The following RBBP8 variants were observed in gnomAD, a reference collection of about 807,000 sequenced individuals.
RBBP8 encodes the protein DNA endonuclease RBBP8.
A neutral mutation model predicts 108.3 loss-of-function variants in RBBP8; 88 were observed. The observed-to-expected ratio is 0.81, with a 90% CI of 0.68 to 0.97. The LOEUF is 0.97. RBBP8 is among the 50% of genes least tolerant of loss of function. The probability of loss-of-function intolerance (pLI) is 0.00; values close to 1 mark genes in which losing one functional copy is unlikely to be tolerated. For synonymous variants in RBBP8, 332 were observed against 348.2 expected (o/e 0.95, Z 0.52); for missense variants, 1,023 against 1,049.0 (o/e 0.98, Z 0.34).
intron 3 of RBBP8, among the ~76,000 whole-genome samples, chr18:22,928,215 A>G (rs929062125): frequency 4.0e-5 from 6 of 151,752 alleles, no homozygotes; most frequent in African/African-American, 1.2e-4. Context: ...AAAAAAAAAA[A>G]GTAGGAAAAC....
chr18:23,008,197 T>C (rs1192379801), intron 16 of RBBP8, among the ~76,000 whole-genome samples: 1 of 152,192 alleles, frequency 6.6e-6, no homozygotes, highest in African/African-American at 2.4e-5. Flanking sequence ...CTACTATTTG[T>C]TCTTAAAGCA....
Position 22,982,342 on chromosome 18 carries a change from C to G in RBBP8, c.553C>G (p.Arg185Gly), listed in dbSNP as rs771541058. Reference sequence around the variant, plus strand: ...ACGAAGAAAGGAGAACCCCCATGTCCGATACATAGAACAAACACATACTAA... The same window carrying G: ...ACGAAGAAAGGAGAACCCCCATGTCGGATACATAGAACAAACACATACTAA... ...RLRRKENPHV[R>G]YIEQTHTKLE... Residue 185 changes from arginine to glycine, a missense_variant, in exon 7 of 19, where the codon CGA (arginine) becomes GGA (glycine). Arg to Gly is a moderately radical substitution (Grantham distance 125). Coordinates refer to ENST00000327155, the MANE Select transcript of RBBP8 (RefSeq NM_002894.3). 17 of 1,614,066 alleles carry G rather than the reference C, an allele frequency of 1.1e-5. No individual in the cohort carries two copies. In the South Asian group the frequency reaches 1.8e-4, roughly 17 times the overall value.
At chr18:23,001,234 A>G (rs765136339) in intron 14 of RBBP8, among the ~76,000 whole-genome samples, 6 of 152,210 alleles carry the variant, frequency 3.9e-5, no homozygotes, top group Admixed American at 6.5e-5. Flanking sequence ...GCCTTTCACT[A>G]CCTATATTAC....
rs190493392 is a variant in RBBP8 at position 23,024,524 on chromosome 18, A to G, written c.2597-1619A>G. 8 of 152,204 alleles carry G rather than the reference A, an allele frequency of 5.3e-5. No homozygotes were observed. The East Asian group carries it at 1.4e-3, about 26-fold the overall frequency. The allele number at this position is 152,204 out of a possible 1,614,324, so 9.4% of individuals were successfully genotyped here. A position where few individuals can be genotyped will look rare whatever the true frequency, so the allele number is the denominator to read the frequency against. Reference sequence around the variant, plus strand: ...TCTGACCTCTTTATTATTTTTTGCTATTTTCTCCATGGTCCAAAGACCATC... The same window carrying G: ...TCTGACCTCTTTATTATTTTTTGCTGTTTTCTCCATGGTCCAAAGACCATC... On this transcript the variant is annotated intron_variant, in intron 18 of 18. Coordinates refer to ENST00000327155, the MANE Select transcript of RBBP8 (RefSeq NM_002894.3).
intron 16 of RBBP8, among the ~76,000 whole-genome samples, chr18:23,008,506 T>C (rs1356914593): frequency 6.6e-6 from 1 of 152,162 alleles, no homozygotes; most frequent in East Asian, 1.9e-4. Context: ...AATTTAAGTA[T>C]ATTTGATGTG....
At chr18:22,952,310 A>C (rs12961229) in intron 4 of RBBP8, among the ~76,000 whole-genome samples, 1 of 152,182 alleles carries the variant, frequency 6.6e-6, no homozygotes, top group Admixed American at 6.5e-5. Flanking sequence ...TCTCTTAAGG[A>C]CATCTTTGAA....
chr18:22,919,595 C>A (rs1909505022), intron 3 of RBBP8, among the ~76,000 whole-genome samples: 2 of 152,132 alleles, frequency 1.3e-5, no homozygotes, highest in South Asian at 4.1e-4. Context: ...CTCGCTCTGT[C>A]ACTCAGGCTG....
intron 2 of RBBP8, among the ~76,000 whole-genome samples, chr18:22,939,084 C>T (rs935019811): frequency 2.6e-5 from 4 of 152,178 alleles, no homozygotes; most frequent in Non-Finnish European, 5.9e-5. Flanking sequence ...CTTCATATTA[C>T]ATTTGTTTCT....
intron 4 of RBBP8, among the ~76,000 whole-genome samples, chr18:22,957,295 T>TC (rs1388093625): frequency 3.4e-5 from 5 of 146,182 alleles, no homozygotes; most frequent in Non-Finnish European, 6.0e-5. Flanking sequence ...CTTTTTCTTT[T>TC]TTTTTTTTTT....
rs140204230 is a variant in RBBP8 at position 22,956,791 on chromosome 18, A to G, written c.248+7078A>G. Among the ~76,000 whole-genome samples, 572 of 152,298 alleles carry G rather than the reference A, an allele frequency of 3.8e-3. 2 individuals are homozygous for G. The highest frequency in any genetic ancestry group is 0.013 in the African/African-American group (558 of 41,582). On this transcript the variant is annotated intron_variant, in intron 4 of 18. Coordinates refer to ENST00000327155, the MANE Select transcript of RBBP8 (RefSeq NM_002894.3). ...ATAAAAAGTTCTAAGTTCTAATTTT[A>G]TGTGGCTCATTTATGTTTAATGATT...
At position 22,926,685 on chromosome 18, in the gene RBBP8, G is replaced by A. The variant is rs1028667019; in HGVS notation, c.-153-2698G>A. Among the ~76,000 whole-genome samples, 3 of 152,188 alleles carry A rather than the reference G, an allele frequency of 2.0e-5. No individual in the cohort carries two copies. In the East Asian group the frequency reaches 5.8e-4, roughly 29 times the overall value. ...ATTTCAACAGATTAAAAAGGGAAAC[G>A]AAGAAGGTATGAAGTCCAATGTAGC... On this transcript the variant is annotated intron_variant, in intron 3 of 4. Coordinates refer to the RBBP8 transcript ENST00000577588.
intron 15 of RBBP8, among the ~76,000 whole-genome samples, chr18:23,002,673 C>T (rs772567192): frequency 2.6e-5 from 4 of 151,774 alleles, no homozygotes; most frequent in Non-Finnish European, 2.9e-5. Context: ...TAAATTGGTC[C>T]GAATTTTTAA....
rs1568009785 is a variant in RBBP8 at position 23,022,603 on chromosome 18, A to AAAATAAAATAAAATAAAATAAAATAAAAT, written c.2596+337_2596+365dup. ...GGCGACAGAACAAGACTCTGTCTCAAAAATAAAATAAAATAAAATAAAATA... is the reference window on the plus strand; with the variant it reads ...GGCGACAGAACAAGACTCTGTCTCAAAAATAAAATAAAATAAAATAAAATAAAATAAATAAAATAAAATAAAATAAAATA... On this transcript the variant is annotated intron_variant, in intron 18 of 18. Coordinates refer to ENST00000327155, the MANE Select transcript of RBBP8 (RefSeq NM_002894.3). 3.3e-3 allele frequency among the ~76,000 whole-genome samples: 129 copies of AAAATAAAATAAAATAAAATAAAATAAAAT among 39,132 alleles called. 6 individuals carry two copies. The highest frequency in any genetic ancestry group is 0.016 in the African/African-American group (127 of 8,036). The allele number at this position is 39,132 out of a possible 152,430, so 25.7% of individuals were successfully genotyped here.
At chr18:22,931,316 G>A (rs1910019230), upstream of RBBP8, among the ~76,000 whole-genome samples, 1 of 152,148 alleles carries the variant, frequency 6.6e-6, no homozygotes, top group South Asian at 2.1e-4. Flanking sequence ...CCAGAGGACA[G>A]AAAATGTCTG....
chr18:22,915,019 A>G (rs1212503413), intron 1 of RBBP8, among the ~76,000 whole-genome samples: 1 of 152,142 alleles, frequency 6.6e-6, no homozygotes, highest in Non-Finnish European at 1.5e-5. Context: ...AGTAGTTTGT[A>G]TCATGTAAAA....
At chr18:22,967,645 A>AT (rs1410826642) in intron 4 of RBBP8, among the ~76,000 whole-genome samples, 6,750 of 131,488 alleles carry the variant, frequency 0.051, 323 homozygotes, top group African/African-American at 0.11. Context: ...GCTATTTCGT[A>AT]TTTTTTTTTT....
chr18:23,013,986 G>A (rs2046214206), intron 16 of RBBP8, among the ~76,000 whole-genome samples: 1 of 151,956 alleles, frequency 6.6e-6, no homozygotes, highest in Non-Finnish European at 1.5e-5. Flanking sequence ...AGATGTACAA[G>A]GAGATGAATT....
At chr18:22,954,438 A>G (rs4800441) in intron 4 of RBBP8, among the ~76,000 whole-genome samples, 74,768 of 152,086 alleles carry the variant, frequency 0.49, 21,754 homozygotes, top group Middle Eastern at 0.67. Context: ...TAAAACTCCA[A>G]AATGATCCCC....
chr18:22,986,880 A>G (rs1403404503), intron 8 of RBBP8, among the ~76,000 whole-genome samples: 2 of 152,196 alleles, frequency 1.3e-5, no homozygotes, highest in Non-Finnish European at 2.9e-5. Flanking sequence ...TAGGGATACA[A>G]CACAGAGGGT....
Sources: allele counts gnomAD v4.1 joint callset (sites outside exome capture counted in the v4.1 genomes callset), GRCh38; gene constraint gnomAD v4.1.1; transcripts MANE v1.5; gene names NCBI Gene and HGNC (gene_info 2026-07-23, HGNC 2026-07-21).